The following QSER1 variants were observed in gnomAD, a reference collection of about 807,000 sequenced individuals.
The protein encoded by QSER1 is glutamine and serine rich 1, also known as glutamine and serine-rich protein 1.
A neutral mutation model predicts 158.5 loss-of-function variants in QSER1; 49 were observed. The observed-to-expected ratio is 0.31, with a 90% CI of 0.25 to 0.39. QSER1 has a LOEUF of 0.39. QSER1 is among the 10% of genes least tolerant of loss of function. The pLI is 1.00. For missense variants in QSER1, 1,754 were observed against 2,010.3 expected (o/e 0.87, Z 2.44); for synonymous variants, 650 against 715.5 (o/e 0.91, Z 1.46).
At chr11:32,921,387 G>C (rs1404374945) in intron 1 of QSER1, among the ~76,000 whole-genome samples, 3 of 152,106 alleles carry the variant, frequency 2.0e-5, no homozygotes, top group Non-Finnish European at 4.4e-5. Flanking sequence ...ACGTTTATTT[G>C]GGGGGGATGA....
intron 9 of QSER1, among the ~76,000 whole-genome samples, chr11:32,967,552 C>A (rs1436654220): frequency 1.3e-5 from 2 of 152,102 alleles, no homozygotes; most frequent in African/African-American, 2.4e-5. Context: ...ATGGAACCAC[C>A]ATTGTATATG....
At chr11:32,955,765 TCATA>T (rs1218796621) in intron 6 of QSER1, among the ~76,000 whole-genome samples, 1 of 152,174 alleles carries the variant, frequency 6.6e-6, no homozygotes, top group East Asian at 1.9e-4. Context: ...AGTTATTCTG[TCATA>T]CTTAATGTAG....
intron 4 of QSER1, among the ~76,000 whole-genome samples, chr11:32,941,069 T>C (rs1050140797): frequency 4.6e-5 from 7 of 151,908 alleles, no homozygotes; most frequent in Non-Finnish European, 1.0e-4. Flanking sequence ...CACCACACTT[T>C]GACCATATCT....
At chr11:32,909,024 G>A (rs1042283239) in intron 1 of QSER1, among the ~76,000 whole-genome samples, 1 of 152,154 alleles carries the variant, frequency 6.6e-6, no homozygotes, top group African/African-American at 2.4e-5. Context: ...GCTGGGCGTG[G>A]TGGTACACGC....
intron 1 of QSER1, among the ~76,000 whole-genome samples, chr11:32,921,180 C>T (rs1326823090): frequency 6.6e-6 from 1 of 152,110 alleles, no homozygotes; most frequent in Non-Finnish European, 1.5e-5. Context: ...GAATGAGGTA[C>T]TGATATATCC....
Position 32,954,081 on chromosome 11 carries a change from G to A in QSER1, c.4402G>A (p.Gly1468Ser). The change falls in exon 5 of 13, where the codon GGT (glycine) becomes AGT (serine). Residue 1468 changes from glycine to serine, a missense_variant. Transcript: ENST00000650167. ...AGGACAGGACACTGTTGCCATAGAA[G>A]GTTTTACAGATGAGGAGGACACAGA... The part of the protein sequence containing the change: ...AKGQDTVAIE[G>S]FTDEEDTESG... 6.2e-7 allele frequency: 1 copy of A among 1,614,126 alleles called. No individual in the cohort carries two copies.
intron 4 of QSER1, among the ~76,000 whole-genome samples, chr11:32,950,486 A>G (rs1294680315): frequency 1.3e-5 from 2 of 152,154 alleles, no homozygotes; most frequent in African/African-American, 4.8e-5. Context: ...TTTACATGTT[A>G]TTTATATTTG....
At chr11:32,939,114 C>T (rs1852194135) in intron 4 of QSER1, among the ~76,000 whole-genome samples, 2 of 152,098 alleles carry the variant, frequency 1.3e-5, no homozygotes, top group African/African-American at 4.8e-5. Context: ...TTACTATTAT[C>T]AAGTCAGTGG....
chr11:32,969,162 T>C lies in QSER1; in HGVS notation c.5205+19T>C. ...ATTCAAGGTATTTCCTTCTGATGAC[T>C]TATTAGCAAAACTCAATGGCAGTCA... is the stretch of plus-strand genomic sequence containing the variant. On this transcript the variant is annotated intron_variant, in intron 10 of 12. Coordinates refer to ENST00000650167, the MANE Select transcript of QSER1 (RefSeq NM_001076786.3). 1.4e-6 allele frequency: 2 copies of C among 1,429,738 alleles called. No homozygotes were observed. The highest frequency in any genetic ancestry group is 1.9e-6 in the Non-Finnish European group (2 of 1,026,038). The allele number at this position is 1,429,738 out of a possible 1,614,324, so 88.6% of individuals were successfully genotyped here.
In QSER1 at chr11:32,964,739, TACACAC is replaced by T. The variant is rs1176492165; in HGVS notation, c.4970-1523_4970-1518del. 1.6e-3 allele frequency among the ~76,000 whole-genome samples: 161 copies of T among 100,692 alleles called. 2 individuals carry two copies. Among genetic ancestry groups the T allele is most frequent in the African/African-American group, 4.7e-3 (115 of 24,286 alleles). 66.1% of individuals were successfully genotyped at this position (100,692 alleles called of 152,430 possible). A position where few individuals can be genotyped will look rare whatever the true frequency, so the allele number is the denominator to read the frequency against. ...CACCATATATATATATATATATATA[TACACAC>T]ACACACACACACACACACACACACA... is the stretch of plus-strand genomic sequence containing the variant. On this transcript the variant is annotated intron_variant, in intron 8 of 12. Transcript: ENST00000650167.
intron 1 of QSER1, among the ~76,000 whole-genome samples, chr11:32,912,643 T>TAAATCC (rs1851782151): frequency 6.6e-6 from 1 of 152,220 alleles, no homozygotes; most frequent in East Asian, 1.9e-4. Flanking sequence ...GCAAAGTGGC[T>TAAATCC]CACGCCTTTA....
chr11:32,899,593 C>T (rs1851599787), intron 1 of QSER1, among the ~76,000 whole-genome samples: 1 of 152,058 alleles, frequency 6.6e-6, no homozygotes, highest in Admixed American at 6.5e-5. Flanking sequence ...TGCAATCACT[C>T]ATTAAAATGT....
intron 4 of QSER1, among the ~76,000 whole-genome samples, chr11:32,938,933 A>G (rs879346409): frequency 6.6e-6 from 1 of 152,112 alleles, no homozygotes; most frequent in Non-Finnish European, 1.5e-5. Flanking sequence ...TGAATTCTAT[A>G]TTTGCATTAA....
intron 4 of QSER1, among the ~76,000 whole-genome samples, chr11:32,952,241 G>A (rs536260863): frequency 3.3e-5 from 5 of 152,294 alleles, no homozygotes; most frequent in Admixed American, 1.3e-4. Flanking sequence ...TCACCACTAA[G>A]TATGATGTTA....
intron 4 of QSER1, among the ~76,000 whole-genome samples, chr11:32,939,767 T>G (rs1049841658): frequency 1.3e-5 from 2 of 152,036 alleles, no homozygotes; most frequent in Non-Finnish European, 1.5e-5. Flanking sequence ...CTCAAAGCCT[T>G]TCTTTTGCTA....
intron 8 of QSER1, among the ~76,000 whole-genome samples, chr11:32,958,464 T>G (rs935993258): frequency 6.6e-6 from 1 of 152,090 alleles, no homozygotes; most frequent in African/African-American, 2.4e-5. Flanking sequence ...CCTAGCTCAC[T>G]GCAGCCTCGA....
At chr11:32,907,070 G>C (rs1248407076) in intron 1 of QSER1, among the ~76,000 whole-genome samples, 1 of 152,144 alleles carries the variant, frequency 6.6e-6, no homozygotes, top group Non-Finnish European at 1.5e-5. Context: ...AAGTAGTATA[G>C]TACCGTTACA....
intron 4 of QSER1, among the ~76,000 whole-genome samples, chr11:32,941,673 A>G (rs1159217530): frequency 2.6e-5 from 4 of 152,138 alleles, no homozygotes; most frequent in African/African-American, 9.7e-5. Context: ...GCCATTCTGA[A>G]TAATGCCACA....
At position 32,933,829 on chromosome 11, in the gene QSER1, T is replaced by G; in HGVS notation, c.2571T>G (p.Asp857Glu). ...ASLPNTQVLL[D>E]SACDLQILQQ... is the part of the protein sequence containing the mutation. ...TTCCTAATACACAGGTCCTTTTAGA[T>G]TCTGCCTGTGATTTACAAATTCTTC... The change falls in exon 4 of 13, where the codon GAT becomes GAG. Residue 857 changes from aspartate (D) to glutamate (E), a missense_variant. By Grantham distance (45) the Asp-to-Glu change is conservative. Coordinates refer to ENST00000650167, the MANE Select transcript of QSER1 (RefSeq NM_001076786.3). 1 of 1,613,594 alleles carries G rather than the reference T, an allele frequency of 6.2e-7. No homozygotes were observed. Among genetic ancestry groups the G allele is most frequent in the Non-Finnish European group, 8.5e-7 (1 of 1,179,832 alleles).
Sources: allele counts gnomAD v4.1 joint callset (sites outside exome capture counted in the v4.1 genomes callset), GRCh38; gene constraint gnomAD v4.1.1; transcripts MANE v1.5; gene names NCBI Gene and HGNC (gene_info 2026-07-23, HGNC 2026-07-21).